The following MTUS2 variants were observed in gnomAD, a reference collection of about 807,000 sequenced individuals.
The protein encoded by MTUS2 is microtubule-associated tumor suppressor candidate 2.
Under a neutral mutation model 114.1 loss-of-function variants are expected in MTUS2, and 40 were observed. That is an observed-to-expected ratio of 0.35 (90% CI 0.27 to 0.46). The LOEUF is 0.46. Ranked by LOEUF, MTUS2 falls within the 20% of genes least tolerant of loss-of-function variation. MTUS2 has a pLI of 1.00. For synonymous variants in MTUS2, 688 were observed against 672.0 expected, an observed-to-expected ratio of 1.02 and a Z score of -0.37; for missense variants, 1,679 against 1,705.4, an observed-to-expected ratio of 0.98 and a Z score of 0.27.
intron 2 of MTUS2, among the ~76,000 whole-genome samples, chr13:28,976,340 A>T (rs1343754269): frequency 6.6e-6 from 1 of 152,204 alleles, no homozygotes; most frequent in African/African-American, 2.4e-5. Context: ...GAGAACTGCA[A>T]ACAGTTTGAT....
chr13:28,852,803 C>T (rs910737144), intron 2 of MTUS2, among the ~76,000 whole-genome samples: 1 of 152,094 alleles, frequency 6.6e-6, no homozygotes. Flanking sequence ...ATGCAGATCA[C>T]GCCACTGCAC....
intron 2 of MTUS2, among the ~76,000 whole-genome samples, chr13:28,954,035 TAAGTAA>T (rs1882941264): frequency 1.3e-5 from 2 of 152,210 alleles, no homozygotes; most frequent in African/African-American, 4.8e-5. Flanking sequence ...GATCTCAGTA[TAAGTAA>T]AAGTTTAAAA....
At chr13:29,442,758 G>C (rs1354620983) in intron 9 of MTUS2, among the ~76,000 whole-genome samples, 1 of 152,250 alleles carries the variant, frequency 6.6e-6, no homozygotes, top group Admixed American at 6.5e-5. Flanking sequence ...CAGGCTTGAG[G>C]ACACTTCCCT....
intron 5 of MTUS2, among the ~76,000 whole-genome samples, chr13:29,154,760 A>T (rs1044988843): frequency 6.6e-6 from 1 of 152,188 alleles, no homozygotes; most frequent in African/African-American, 2.4e-5. Flanking sequence ...GCTAGATTGG[A>T]TTTCATGTGT....
chr13:28,929,112 G>A (rs1196428633), intron 2 of MTUS2, among the ~76,000 whole-genome samples: 1 of 151,846 alleles, frequency 6.6e-6, no homozygotes, highest in Non-Finnish European at 1.5e-5. Context: ...AACCAAAAAT[G>A]TGGATCTCAT....
chr13:29,501,281 T>C, intron 15 of MTUS2, 87 bp downstream of exon 15: 1 of 985,240 alleles, frequency 1.0e-6, no homozygotes, highest in South Asian at 1.4e-5. Context: ...CTCTGGCCTG[T>C]GAGTCTTTCC....
At chr13:29,161,234 T>C (rs1177003903) in intron 5 of MTUS2, among the ~76,000 whole-genome samples, 4 of 152,232 alleles carry the variant, frequency 2.6e-5, no homozygotes, top group Admixed American at 2.6e-4. Context: ...TATCAATGTC[T>C]GTATCCTGAT....
chr13:29,437,623 T>G (rs367621875), intron 8 of MTUS2, among the ~76,000 whole-genome samples: 1 of 152,072 alleles, frequency 6.6e-6, no homozygotes, highest in South Asian at 2.1e-4. Flanking sequence ...TTAAGCAAAA[T>G]CAGGGCAGAC....
At chr13:29,357,600 G>C (rs1165771138) in intron 7 of MTUS2, among the ~76,000 whole-genome samples, 1 of 152,192 alleles carries the variant, frequency 6.6e-6, no homozygotes, top group African/African-American at 2.4e-5. Context: ...TCTTGATGAT[G>C]TTTAGTTGGT....
rs763994212 is a variant in MTUS2 at position 29,187,648 on chromosome 13, CTTTA to C, written c.2644+86682_2644+86685del. 1.4e-4 allele frequency among the ~76,000 whole-genome samples: 21 copies of C among 152,194 alleles called. No individual in the cohort carries two copies. In the South Asian group the frequency reaches 1.9e-3, roughly 14 times the overall value. ...AAATACTTTGCATTCCAGAATGACT[CTTTA>C]TTTGTCATTTATCATTTGATTTTTC... On this transcript the variant is annotated intron_variant, in intron 5 of 15. Coordinates refer to ENST00000612955, the MANE Select transcript of MTUS2 (RefSeq NM_001033602.4).
intron 2 of MTUS2, among the ~76,000 whole-genome samples, chr13:28,894,284 G>A (rs1174197226): frequency 2.1e-4 from 7 of 32,820 alleles, no homozygotes; most frequent in Non-Finnish European, 2.9e-4. Context: ...GTTGGTGGGG[G>A]GGGGGGAGAG....
chr13:28,858,978 C>T (rs1037186191), intron 2 of MTUS2, among the ~76,000 whole-genome samples: 2 of 152,090 alleles, frequency 1.3e-5, no homozygotes, highest in Non-Finnish European at 2.9e-5. Flanking sequence ...GTAAAGACAG[C>T]CAATAAGTTG....
chr13:29,311,947 G>A (rs946893562), intron 6 of MTUS2, among the ~76,000 whole-genome samples: 8 of 152,092 alleles, frequency 5.3e-5, no homozygotes, highest in African/African-American at 1.4e-4. Context: ...AGACAATGTA[G>A]GCTGGGCTCA....
At chr13:29,329,050 A>G (rs1404697232) in intron 7 of MTUS2, among the ~76,000 whole-genome samples, 1 of 152,162 alleles carries the variant, frequency 6.6e-6, no homozygotes, top group East Asian at 1.9e-4. Flanking sequence ...CACATTTAAA[A>G]ACTATTATTT....
intron 2 of MTUS2, among the ~76,000 whole-genome samples, chr13:28,937,849 C>T (rs1396874067): frequency 6.6e-6 from 1 of 152,102 alleles, no homozygotes; most frequent in Non-Finnish European, 1.5e-5. Context: ...ACCTCTAGGT[C>T]TGAAGACAAA....
chr13:29,484,878 AG>A (rs1212350703), intron 10 of MTUS2: 1 of 152,244 alleles, frequency 6.6e-6, no homozygotes, highest in African/African-American at 2.4e-5. Context: ...CCTGTCTGAG[AG>A]GGTGGTCTTC....
At chr13:28,857,693 C>A (rs577186374) in intron 2 of MTUS2, among the ~76,000 whole-genome samples, 1 of 152,174 alleles carries the variant, frequency 6.6e-6, no homozygotes, top group Non-Finnish European at 1.5e-5. Flanking sequence ...TTGATGATCA[C>A]TATGTAAGAA....
intron 5 of MTUS2, among the ~76,000 whole-genome samples, chr13:29,223,299 G>T (rs183580032): frequency 2.0e-5 from 3 of 152,214 alleles, no homozygotes; most frequent in Admixed American, 2.0e-4. Flanking sequence ...AACCAGACTG[G>T]GGCAGGTGAC....
chr13:29,096,550 A>G (rs987611959), intron 4 of MTUS2, among the ~76,000 whole-genome samples: 3 of 152,168 alleles, frequency 2.0e-5, no homozygotes, highest in East Asian at 1.9e-4. Flanking sequence ...ATTTTGCTTC[A>G]TGGAGCTACC....
Sources: allele counts gnomAD v4.1 joint callset (sites outside exome capture counted in the v4.1 genomes callset), GRCh38; gene constraint gnomAD v4.1.1; transcripts MANE v1.5; gene names NCBI Gene and HGNC (gene_info 2026-07-23, HGNC 2026-07-21).